The following CD47 variants were observed in gnomAD, a reference collection of about 807,000 sequenced individuals.
The protein encoded by CD47 is leukocyte surface antigen CD47.
A neutral mutation model predicts 44.6 loss-of-function variants in CD47; 11 were observed. The ratio of observed to expected loss-of-function variants is 0.25; its 90% CI spans 0.16 to 0.41. The LOEUF (loss-of-function observed/expected upper bound fraction) is 0.41, where lower values mean the gene tolerates loss of function less well. CD47 is among the 10% of genes least tolerant of loss of function. CD47 has a pLI of 1.00. For synonymous variants in CD47, 140 were observed against 136.3 expected (o/e 1.03, Z -0.19); for missense variants, 306 against 386.7 (o/e 0.79, Z 1.75).
At position 108,058,370 on chromosome 3, in the gene CD47, G is replaced by A; in HGVS notation, c.751C>T (p.Leu251Phe). 6.4e-7 allele frequency: 1 copy of A among 1,566,018 alleles called. No individual in the cohort carries two copies. The highest frequency in any genetic ancestry group is 8.7e-7 in the Non-Finnish European group (1 of 1,153,458). Residue 251 changes from leucine (L) to phenylalanine (F), a missense_variant, in exon 6 of 11, where the codon CTC becomes TTC. By Grantham distance (22) the Leu-to-Phe change is conservative. This residue lies in a region of CD47 where 131 missense variants were observed against 135.3 expected (regional missense o/e 0.97). Coordinates refer to ENST00000361309, the MANE Select transcript of CD47 (RefSeq NM_001777.4). Reference protein sequence around the residue: ...ILVIQVIAYILAVVGLSLCIA... With the variant: ...ILVIQVIAYIFAVVGLSLCIA... ...CAGAGACTCAGTCCAACCACAGCGA[G>A]GATATAGGCTATCACCTGAATAACC...
intron 3 of CD47, among the ~76,000 whole-genome samples, chr3:108,064,165 A>G (rs903296658): frequency 6.6e-6 from 1 of 152,232 alleles, no homozygotes. Flanking sequence ...AGCACTATCC[A>G]TCTATATGAC....
chr3:108,047,683 G>C (rs1248160117), intron 10 of CD47, among the ~76,000 whole-genome samples: 2 of 152,118 alleles, frequency 1.3e-5, no homozygotes, highest in African/African-American at 4.8e-5. Context: ...GAGAAAAATG[G>C]TACTGACTCT....
chr3:108,048,124 A>G (rs2078751227), intron 10 of CD47, among the ~76,000 whole-genome samples: 2 of 151,854 alleles, frequency 1.3e-5, no homozygotes, highest in African/African-American at 2.4e-5. Flanking sequence ...TTCCTGGAAC[A>G]AACCATGCCA....
At chr3:108,049,147 CCT>C (rs1214884954) in intron 10 of CD47, among the ~76,000 whole-genome samples, 6 of 116,302 alleles carry the variant, frequency 5.2e-5, no homozygotes, top group Non-Finnish European at 9.2e-5. Flanking sequence ...TCTCTCTCAA[CCT>C]CTCTCTTTAA....
intron 4 of CD47, among the ~76,000 whole-genome samples, chr3:108,059,959 A>G (rs1304464994): frequency 6.6e-6 from 1 of 152,188 alleles, no homozygotes; most frequent in Non-Finnish European, 1.5e-5. Flanking sequence ...ATGTTCCTAA[A>G]TATTACACCT....
rs369386496 is a variant in CD47, at chr3:108,062,936, G to A, written c.491-2084C>T. On this transcript the variant is annotated intron_variant, in intron 3 of 10. Coordinates refer to ENST00000361309, the MANE Select transcript of CD47 (RefSeq NM_001777.4). ...CCCAAAGTGCTGGGATTACAGGTGTGAGCCACCATGCCTGGTGACTTACAT... is the reference window on the plus strand; with the variant it reads ...CCCAAAGTGCTGGGATTACAGGTGTAAGCCACCATGCCTGGTGACTTACAT... Among the ~76,000 whole-genome samples the A allele has an allele frequency of 2.6e-5, 4 of 151,806 alleles. No individual in the cohort carries two copies. In the East Asian group the frequency reaches 5.8e-4, roughly 22 times the overall value.
At chr3:108,071,266 T>C in intron 2 of CD47, 84 bp from the exon 3 acceptor site, 1 of 619,982 alleles carries the variant, frequency 1.6e-6, no homozygotes, top group Non-Finnish European at 2.8e-6. Flanking sequence ...ACATGCTTTA[T>C]TATAGAGATG....
intron 4 of CD47, among the ~76,000 whole-genome samples, chr3:108,060,356 C>A (rs1179400216): frequency 6.6e-6 from 1 of 152,150 alleles, no homozygotes; most frequent in Admixed American, 6.5e-5. Context: ...GACAAATGTG[C>A]TCATAAGAGA....
intron 1 of CD47, among the ~76,000 whole-genome samples, chr3:108,089,449 T>C (rs1388986956): frequency 1.3e-5 from 2 of 152,246 alleles, no homozygotes; most frequent in Non-Finnish European, 2.9e-5. Flanking sequence ...TGGTTTATAC[T>C]TTTTACTTTT....
intron 7 of CD47, chr3:108,055,594 G>A: frequency 1.6e-6 from 2 of 1,255,684 alleles, no homozygotes; most frequent in Non-Finnish European, 2.1e-6. Context: ...GATTTAAAAA[G>A]TTAATTTAGG....
intron 3 of CD47, among the ~76,000 whole-genome samples, chr3:108,068,966 A>T (rs1446792979): frequency 6.6e-6 from 1 of 152,196 alleles, no homozygotes; most frequent in Non-Finnish European, 1.5e-5. Flanking sequence ...TTAAAATATG[A>T]CCAGTACAAA....
chr3:108,050,618 A>AAT lies in CD47; in HGVS notation c.910-18_910-17dup, dbSNP rs764270458. 3.3e-6 allele frequency: 3 copies of AAT among 919,094 alleles called. No individual in the cohort carries two copies. In the African/African-American group the frequency reaches 5.2e-5, roughly 16 times the overall value. 56.9% of individuals were successfully genotyped at this position (919,094 alleles called of 1,614,324 possible). On this transcript the variant is annotated splice_polypyrimidine_tract_variant and intron_variant, in intron 8 of 10. Coordinates refer to ENST00000361309, the MANE Select transcript of CD47 (RefSeq NM_001777.4). ...CTACAGCTTTCTGAAAAATATTTAAAATATATTTACATAAAAATATAATTT... is the reference window on the plus strand; with the variant it reads ...CTACAGCTTTCTGAAAAATATTTAAAATATATATTTACATAAAAATATAATTT...
At chr3:108,084,619 G>T (rs1193727167) in intron 1 of CD47, among the ~76,000 whole-genome samples, 1 of 151,988 alleles carries the variant, frequency 6.6e-6, no homozygotes, top group Non-Finnish European at 1.5e-5. Context: ...ACTTCCACTT[G>T]GATGTAATAC....
At chr3:108,061,318 C>T (rs2079012421) in intron 3 of CD47, among the ~76,000 whole-genome samples, 2 of 151,042 alleles carry the variant, frequency 1.3e-5, no homozygotes, top group East Asian at 3.9e-4. Context: ...AGTGACAACA[C>T]AACACTGATG....
At chr3:108,054,884 A>G (rs1042302295) in intron 7 of CD47, 4 of 152,250 alleles carry the variant, frequency 2.6e-5, no homozygotes, top group Non-Finnish European at 5.9e-5. Flanking sequence ...CTTATATTGA[A>G]CTAACTGGTA....
Position 108,058,427 on chromosome 3 carries a change from T to C in CD47, c.694A>G (p.Ile232Val). Residue 232 changes from isoleucine to valine, a missense_variant and splice_region_variant, in exon 6 of 11, where the codon ATT becomes GTT. Ile to Val is a conservative substitution (Grantham distance 29, BLOSUM62 3). Transcript: ENST00000361309. ...GCAATGACGAAGGAGGTTAATCCAA[T>C]CGCTGGAGGAAGGAAAAGGATGTAA... ...LLHYYVFSTA[I>V]GLTSFVIAIL... 6.4e-7 allele frequency: 1 copy of C among 1,554,946 alleles called. No homozygotes were observed. Among genetic ancestry groups the C allele is most frequent in the Non-Finnish European group, 8.7e-7 (1 of 1,146,370 alleles).
At chr3:108,079,478 G>T (rs181160181) in intron 2 of CD47, among the ~76,000 whole-genome samples, 13 of 141,286 alleles carry the variant, frequency 9.2e-5, no homozygotes, top group African/African-American at 2.1e-4. Context: ...AATCATCCAT[G>T]ATAACGTGAT....
chr3:108,059,833 C>T (rs2078979674), intron 4 of CD47, among the ~76,000 whole-genome samples: 1 of 152,144 alleles, frequency 6.6e-6, no homozygotes, highest in Non-Finnish European at 1.5e-5. Flanking sequence ...CCTTCATCTG[C>T]TGTATTCAGT....
Position 108,079,913 on chromosome 3 carries a change from C to G in CD47, c.400+78G>C, listed in dbSNP as rs564257953. ...CTTTTTGATTCAAAGGAGTACCTAT[C>G]CCCATTTGGCCTCCTCTCGAAAGAG... is the stretch of plus-strand genomic sequence containing the variant. On this transcript the variant is annotated intron_variant, in intron 2 of 10. Coordinates refer to ENST00000361309, the MANE Select transcript of CD47 (RefSeq NM_001777.4). The G allele has an allele frequency of 1.4e-4, 111 of 814,942 alleles. 1 individual carries two copies. In the Middle Eastern group the frequency reaches 2.2e-3, roughly 16 times the overall value. 50.5% of individuals were successfully genotyped at this position (814,942 alleles called of 1,614,324 possible).
Sources: gnomAD v4.1 joint callset for allele counts (sites outside exome capture counted in the v4.1 genomes callset) on GRCh38, gnomAD v4.1.1 for gene constraint, gnomAD v4.1.1 regional missense constraint, MANE v1.5 for transcripts, NCBI Gene and HGNC (gene_info 2026-07-23, HGNC 2026-07-21) for gene names.